BDH1: variants seen among roughly 807,000 people sequenced by gnomAD.
BDH1 encodes the protein 3-hydroxybutyrate dehydrogenase 1.
In BDH1, 30 loss-of-function variants were observed where a neutral mutation model predicts 33.1. The observed-to-expected ratio is 0.91, with a 90% confidence interval of 0.68 to 1.23. The LOEUF is 1.23. Ranked by LOEUF, BDH1 falls within the 50% of genes most tolerant of loss-of-function variation. The pLI, the probability that BDH1 is intolerant of heterozygous loss-of-function variation, is 0.00. For synonymous variants in BDH1, 190 were observed against 183.6 expected (o/e 1.03, Z -0.28); for missense variants, 443 against 464.4 (o/e 0.95, Z 0.42).
rs932438120 is a variant in BDH1 at position 197,526,396 on chromosome 3, G to T, written c.268-3615C>A. ...GCAAATTAGGGGCAAGACTGTAGTC[G>T]TCTGAGGCTGGCTAATGTCTGCTGT... On this transcript the variant is annotated intron_variant, in intron 5 of 7. Coordinates refer to ENST00000392379, the MANE Select transcript of BDH1 (RefSeq NM_203314.3). This position sits in a 1 kb window ranked among gnomAD's most constrained non-coding sequence, Gnocchi z 4.7. Among the ~76,000 whole-genome samples the T allele has an allele frequency of 1.3e-5, 2 of 152,196 alleles. No individual in the cohort carries two copies. The highest frequency in any genetic ancestry group is 2.4e-5 in the African/African-American group (1 of 41,460).
At chr3:197,532,606 G>A (rs1714771846) in intron 4 of BDH1, 84 bp from the exon 5 acceptor site, 6 of 968,668 alleles carry the variant, frequency 6.2e-6, no homozygotes, top group South Asian at 2.7e-5. Flanking sequence ...TGTGCAGTGA[G>A]AGTTAGTGCT....
chr3:197,531,772 C>G (rs531564639), intron 5 of BDH1, among the ~76,000 whole-genome samples: 4 of 152,208 alleles, frequency 2.6e-5, no homozygotes, highest in Non-Finnish European at 4.4e-5. Flanking sequence ...GGGCGCACAA[C>G]TTTCTAACTG....
chr3:197,545,928 G>T (rs867052994), intron 3 of BDH1, among the ~76,000 whole-genome samples: 4 of 152,194 alleles, frequency 2.6e-5, no homozygotes, highest in African/African-American at 4.8e-5. Context: ...CCTGAGGTCA[G>T]GAGTTCAAGA....
rs1403231648 is a variant in BDH1, at chr3:197,514,076, C to G, written c.562+188G>C. 1.8e-5 allele frequency: 13 copies of G among 715,604 alleles called. No homozygotes were observed. Among genetic ancestry groups the G allele is most frequent in the Non-Finnish European group, 2.8e-5 (13 of 456,180 alleles). 44.3% of individuals were successfully genotyped at this position (715,604 alleles called of 1,614,324 possible). On this transcript the variant is annotated intron_variant, in intron 7 of 7. Transcript: ENST00000392379. This position sits in a 1 kb window ranked among gnomAD's most constrained non-coding sequence, Gnocchi z 4.2. ...TGACCTCTTACCTGCTCTGCTTCCT[C>G]CTCCCCTACCCGGCCACAGCCCCTC...
intron 6 of BDH1, among the ~76,000 whole-genome samples, chr3:197,519,749 C>G (rs1489118221): frequency 6.6e-6 from 1 of 152,104 alleles, no homozygotes; most frequent in Non-Finnish European, 1.5e-5. Flanking sequence ...ACGGCCTGCT[C>G]TCGGGCCCAC....
chr3:197,519,052 C>T (rs2108717492), intron 6 of BDH1, among the ~76,000 whole-genome samples: 2 of 140,654 alleles, frequency 1.4e-5, no homozygotes, highest in Admixed American at 1.4e-4. Flanking sequence ...TCAGGCACCC[C>T]CCATCAGTCA....
At chr3:197,568,140 G>T (rs1177029118) in intron 1 of BDH1, among the ~76,000 whole-genome samples, 1 of 152,196 alleles carries the variant, frequency 6.6e-6, no homozygotes, top group Non-Finnish European at 1.5e-5. Flanking sequence ...CCTGCCCTTA[G>T]GCAGCCACCT....
At chr3:197,533,694 G>C in intron 3 of BDH1, 133 bp from the exon 4 acceptor site, 1 of 789,260 alleles carries the variant, frequency 1.3e-6, no homozygotes, top group East Asian at 2.7e-5. Flanking sequence ...CTGAGTAAGA[G>C]GCCCTCTTTC....
chr3:197,522,614 C>A lies in BDH1; in HGVS notation c.409+26G>T. 7 of 1,612,834 alleles carry A rather than the reference C, an allele frequency of 4.3e-6. No individual in the cohort carries two copies. The highest frequency in any genetic ancestry group is 5.9e-6 in the Non-Finnish European group (7 of 1,179,384). On this transcript the variant is annotated intron_variant, in intron 6 of 7. Coordinates refer to ENST00000392379, the MANE Select transcript of BDH1 (RefSeq NM_203314.3). This position sits in a 1 kb window ranked among gnomAD's most constrained non-coding sequence, Gnocchi z 4.8. The stretch of plus-strand genomic sequence containing the variant: ...CCCTTGGAATGGCCCCATACACAAC[C>A]CCTGCCGTCCGAAGGGGCGCCCTAC...
chr3:197,553,401 C>A lies in BDH1; in HGVS notation c.-44+1161G>T, dbSNP rs185739161. On this transcript the variant is annotated intron_variant, in intron 2 of 7. Transcript: ENST00000392379. ...AAAATTAGCTGGGTGTGGTCGCTCG[C>A]GCCTGTAGTCCCAGCTACTTGGGAG... 7.1e-3 allele frequency among the ~76,000 whole-genome samples: 1,074 copies of A among 151,056 alleles called. 12 individuals carry two copies. The highest frequency in any genetic ancestry group is 0.025 in the African/African-American group (1,021 of 41,254).
chr3:197,532,911 T>C (rs1714801855), intron 4 of BDH1, among the ~76,000 whole-genome samples: 1 of 152,164 alleles, frequency 6.6e-6, no homozygotes, highest in African/African-American at 2.4e-5. Flanking sequence ...AGTTTGGCTC[T>C]TGTTGCCCAG....
chr3:197,546,400 C>T lies in BDH1; in HGVS notation c.44G>A (p.Gly15Glu). The T allele has an allele frequency of 6.2e-7, 1 of 1,614,132 alleles. No individual in the cohort carries two copies. The change falls in exon 3 of 8, where the codon GGA becomes GAA. Residue 15 changes from glycine (G) to glutamate (E), a missense_variant. Physicochemically the swap from Gly to Glu is moderately conservative, Grantham distance 98. Coordinates refer to ENST00000392379, the MANE Select transcript of BDH1 (RefSeq NM_203314.3). ...TCTATCACAGGCACTTAGGGTTTTTCCTGGGAGCCGTGACAGGGGTCTGGA... is the reference window on the plus strand; with the variant it reads ...TCTATCACAGGCACTTAGGGTTTTTTCTGGGAGCCGTGACAGGGGTCTGGA... Reference protein sequence around the residue: ...RLSRPLSRLPGKTLSACDREN... With the variant: ...RLSRPLSRLPEKTLSACDREN...
intron 5 of BDH1, among the ~76,000 whole-genome samples, chr3:197,524,392 C>T (rs551950665): frequency 2.0e-5 from 3 of 152,290 alleles, no homozygotes; most frequent in Non-Finnish European, 2.9e-5. Context: ...GAAAGTCCTC[C>T]GCTGGTTAGG....
At chr3:197,531,907 C>T (rs527800221) in intron 5 of BDH1, among the ~76,000 whole-genome samples, 17 of 152,244 alleles carry the variant, frequency 1.1e-4, no homozygotes, top group African/African-American at 4.1e-4. Context: ...GGCTATTCCT[C>T]CCGTCCAGCA....
rs1025484253 is a variant in BDH1, at chr3:197,525,196, G to A, written c.268-2415C>T. Among the ~76,000 whole-genome samples the A allele has an allele frequency of 2.0e-5, 3 of 152,066 alleles. No homozygotes were observed. The highest frequency in any genetic ancestry group is 2.4e-5 in the African/African-American group (1 of 41,390). ...CTGCAGACCCCTCTCTTCCACAGGC[G>A]GCACACAGGTACCAGGAAAACACGT... On this transcript the variant is annotated intron_variant, in intron 5 of 7. Coordinates refer to ENST00000392379, the MANE Select transcript of BDH1 (RefSeq NM_203314.3). The surrounding 1 kb of genome is among the most constrained non-coding windows in gnomAD (Gnocchi z 4.9).
At chr3:197,534,411 C>T (rs76070015) in intron 3 of BDH1, among the ~76,000 whole-genome samples, 10,255 of 152,232 alleles carry the variant, frequency 0.067, 432 homozygotes, top group Non-Finnish European at 0.096. Flanking sequence ...CAATAATTTG[C>T]TCCTTGTTAT....
chr3:197,514,617 G>C lies in BDH1; in HGVS notation c.410-201C>G, dbSNP rs1712491725. ...AAAGTGCTGACTGCAGCCCTCCCTT[G>C]CGTCTAGAATGTCCAGTCCTCACGT... On this transcript the variant is annotated intron_variant, in intron 6 of 7. Transcript: ENST00000392379. The surrounding 1 kb of genome is among the most constrained non-coding windows in gnomAD (Gnocchi z 4.2). 1.3e-5 allele frequency among the ~76,000 whole-genome samples: 2 copies of C among 152,134 alleles called. No homozygotes were observed. The highest frequency in any genetic ancestry group is 1.3e-4 in the Admixed American group (2 of 15,272).
At chr3:197,546,206 C>T (rs144597961) in intron 3 of BDH1, 155 bp downstream of exon 3, 8,479 of 678,468 alleles carry the variant, frequency 0.012, 84 homozygotes, top group Non-Finnish European at 0.018. Context: ...AATGTCTTCC[C>T]AGGACACCTC....
At chr3:197,546,281 G>A (rs1164228907) in intron 3 of BDH1, 80 bp downstream of exon 3, 13 of 1,388,304 alleles carry the variant, frequency 9.4e-6, no homozygotes, top group South Asian at 7.1e-5. Context: ...CCTCATCACC[G>A]CCTACACTGT....
Sources: gnomAD v4.1 joint callset for allele counts (sites outside exome capture counted in the v4.1 genomes callset) on GRCh38, gnomAD v4.1.1 for gene constraint, Gnocchi (gnomAD v3.1) non-coding constraint, MANE v1.5 for transcripts, NCBI Gene and HGNC (gene_info 2026-07-23, HGNC 2026-07-21) for gene names.